The following LRP1 variants were observed in gnomAD, a reference collection of about 807,000 sequenced individuals.
LRP1 encodes the protein LDL receptor related protein 1.
Under a neutral mutation model 541.5 loss-of-function variants are expected in LRP1, and 51 were observed. The ratio of observed to expected loss-of-function variants is 0.09; its 90% CI spans 0.08 to 0.12. The LOEUF (loss-of-function observed/expected upper bound fraction) is 0.12. Among genes scored for constraint, LRP1 ranks in the 10% least tolerant of loss-of-function variants. The pLI, the probability that LRP1 is intolerant of heterozygous loss-of-function variation, is 1.00. For missense variants in LRP1, 3,878 were observed against 6,376.2 expected (o/e 0.61, Z 13.34); for synonymous variants, 2,219 against 2,470.8 (o/e 0.90, Z 3.02).
chr12:57,186,488 C>T lies in LRP1; in HGVS notation c.6841+580C>T, dbSNP rs552182399. On this transcript the variant is annotated intron_variant, in intron 41 of 88. Transcript: ENST00000243077. ...CCGGGTCCCTTGACTCATTCATTTGCTCATATATTCATTCAGCTGGTCCAT... is the reference window on the plus strand; with the variant it reads ...CCGGGTCCCTTGACTCATTCATTTGTTCATATATTCATTCAGCTGGTCCAT... 7.4e-4 allele frequency among the ~76,000 whole-genome samples: 112 copies of T among 152,322 alleles called. 1 individual carries two copies. The highest frequency in any genetic ancestry group is 2.5e-3 in the African/African-American group (103 of 41,570).
At position 57,177,605 on chromosome 12, in the gene LRP1, G is replaced by C. The variant is rs778601935; in HGVS notation, c.4361+14G>C. ...GATTGACGCCAGGTCAGCACCCTCT[G>C]TGCCCTGAGAAGGCCCAAGTCTGTG... is the stretch of plus-strand genomic sequence containing the variant. On this transcript the variant is annotated intron_variant, in intron 26 of 88. Coordinates refer to ENST00000243077, the MANE Select transcript of LRP1 (RefSeq NM_002332.3). This position sits in a 1 kb window ranked among gnomAD's most constrained non-coding sequence, Gnocchi z 6.8. 3 of 1,613,190 alleles carry C rather than the reference G, an allele frequency of 1.9e-6. No individual in the cohort carries two copies. Among genetic ancestry groups the C allele is most frequent in the Non-Finnish European group, 2.5e-6 (3 of 1,179,690 alleles).
At position 57,183,851 on chromosome 12, in the gene LRP1, A is replaced by G; in HGVS notation, c.5871A>G (p.Glu1957=). The change falls in exon 36 of 89, where the codon GAA becomes GAG. Residue 1957 remains glutamate, a synonymous_variant. Coordinates refer to ENST00000243077, the MANE Select transcript of LRP1 (RefSeq NM_002332.3). This position sits in a 1 kb window ranked among gnomAD's most constrained non-coding sequence, Gnocchi z 6.1. ...CCAAGCGGGACCAGACGTGGCGTGA[A>G]GACGTGGTGACCAATGGCATTGGCC... ...SRAKRDQTWR[E]DVVTNGIGRV... 6.2e-7 allele frequency: 1 copy of G among 1,614,188 alleles called. No homozygotes were observed. The highest frequency in any genetic ancestry group is 8.5e-7 in the Non-Finnish European group (1 of 1,180,044).
chr12:57,169,104 C>A, intron 19 of LRP1, 36 bp from the exon 20 acceptor site: 1 of 1,575,950 alleles, frequency 6.3e-7, no homozygotes, highest in Non-Finnish European at 8.7e-7. Context: ...TCCACCAACT[C>A]CCGCTTTGCC....
rs1391258680 is a variant in LRP1 at position 57,206,959 on chromosome 12, T to C, written c.11859+218T>C. 6.6e-6 allele frequency among the ~76,000 whole-genome samples: 1 copy of C among 152,120 alleles called. No individual in the cohort carries two copies. The highest frequency in any genetic ancestry group is 2.4e-5 in the African/African-American group (1 of 41,420). On this transcript the variant is annotated intron_variant, in intron 76 of 88. Coordinates refer to ENST00000243077, the MANE Select transcript of LRP1 (RefSeq NM_002332.3). The surrounding 1 kb of genome is among the most constrained non-coding windows in gnomAD (Gnocchi z 4.7). ...TGTCTCTACTAAAAATACAAAAATT[T>C]GGCTGAGCGCGGTGGCTCATGCCTG...
Position 57,198,240 on chromosome 12 carries a change from C to A in LRP1, c.9367C>A (p.Arg3123=), listed in dbSNP as rs772910246. The A allele has an allele frequency of 1.2e-6, 2 of 1,613,494 alleles. No homozygotes were observed. The highest frequency in any genetic ancestry group is 1.7e-6 in the Non-Finnish European group (2 of 1,179,872). Reference sequence around the variant, plus strand: ...CAACCTGTACTGGTGCGACAAAGGCCGGGACACCATCGAGGTGTCCAAGCT... The same window carrying A: ...CAACCTGTACTGGTGCGACAAAGGCAGGGACACCATCGAGGTGTCCAAGCT... The part of the protein sequence containing the change: ...GGNLYWCDKG[R]DTIEVSKLNG... The change falls in exon 59 of 89, where the codon CGG becomes AGG. Residue 3123 remains arginine, a synonymous_variant. Transcript: ENST00000243077.
chr12:57,178,607 A>C lies in LRP1; in HGVS notation c.4606+4A>C. The C allele has an allele frequency of 6.2e-7, 1 of 1,613,932 alleles. No homozygotes were observed. Among genetic ancestry groups the C allele is most frequent in the Non-Finnish European group, 8.5e-7 (1 of 1,179,920 alleles). On this transcript the variant is annotated splice_donor_region_variant and intron_variant, in intron 27 of 88. Transcript: ENST00000243077. The surrounding 1 kb of genome is among the most constrained non-coding windows in gnomAD (Gnocchi z 5.8). ...CACCCCTCCCGCCAGCCCATGGGTA[A>C]GGGGCTCGGGGCCTCGAGCAGCCGG...
rs200145430 is a variant in LRP1 at position 57,192,982 on chromosome 12, G to T, written c.7555+12G>T. 1.9e-6 allele frequency: 3 copies of T among 1,604,668 alleles called. No individual in the cohort carries two copies. The highest frequency in any genetic ancestry group is 1.4e-5 in the African/African-American group (1 of 72,110). ...CCTCACCTGCCGAGGTGAGAGAGGC[G>T]GGGGGGAGGGGCTGGCGGGGAACCC... On this transcript the variant is annotated intron_variant, in intron 45 of 88. Transcript: ENST00000243077.
intron 20 of LRP1, 108 bp downstream of exon 20, chr12:57,169,415 G>A (rs2035902205): frequency 1.3e-5 from 14 of 1,097,264 alleles, no homozygotes; most frequent in Non-Finnish European, 1.7e-5. Flanking sequence ...CACCATCTGG[G>A]AGCCAGAGGT....
At chr12:57,192,009 C>T (rs2036418519) in intron 44 of LRP1, among the ~76,000 whole-genome samples, 1 of 19,874 alleles carries the variant, frequency 5.0e-5, no homozygotes, top group Non-Finnish European at 1.2e-4. Context: ...CACACATACA[C>T]ATGCCACACA....
chr12:57,205,879 G>A lies in LRP1; in HGVS notation c.11590+202G>A. The A allele has an allele frequency of 1.4e-6, 1 of 713,952 alleles. No individual in the cohort carries two copies. The allele number at this position is 713,952 out of a possible 1,614,324, so 44.2% of individuals were successfully genotyped here. ...GGGGCTGGCTGACTGAAGGAGTCTG[G>A]GGTGTGGCAGTGCTCTGAATTGCAC... is the stretch of plus-strand genomic sequence containing the variant. On this transcript the variant is annotated intron_variant, in intron 75 of 88. Transcript: ENST00000243077. This position sits in a 1 kb window ranked among gnomAD's most constrained non-coding sequence, Gnocchi z 4.6.
At position 57,184,313 on chromosome 12, in the gene LRP1, C is replaced by A; in HGVS notation, c.6060-13C>A. 6.2e-7 allele frequency: 1 copy of A among 1,614,230 alleles called. No homozygotes were observed. The highest frequency in any genetic ancestry group is 8.5e-7 in the Non-Finnish European group (1 of 1,180,040). The stretch of plus-strand genomic sequence containing the variant: ...TCTGAGGACTGACCCCCACTTCCAC[C>A]CCCACCCTACAGGTACTTGTTCTGG... On this transcript the variant is annotated splice_polypyrimidine_tract_variant and intron_variant, in intron 37 of 88. Coordinates refer to ENST00000243077, the MANE Select transcript of LRP1 (RefSeq NM_002332.3). This position sits in a 1 kb window ranked among gnomAD's most constrained non-coding sequence, Gnocchi z 7.8.
rs1294366292 is a variant in LRP1, at chr12:57,198,282, A to T, written c.9409A>T (p.Thr3137Ser). The T allele has an allele frequency of 6.2e-7, 1 of 1,613,938 alleles. No homozygotes were observed. Among genetic ancestry groups the T allele is most frequent in the African/African-American group, 1.3e-5 (1 of 75,036 alleles). Residue 3137 changes from threonine (T) to serine (S), a missense_variant, in exon 59 of 89, where the codon ACG becomes TCG. Physicochemically the swap from Thr to Ser is moderately conservative, Grantham distance 58. Coordinates refer to ENST00000243077, the MANE Select transcript of LRP1 (RefSeq NM_002332.3). ...GTCCAAGCTCAATGGGGCCTATCGG[A>T]CGGTGCTGGTCAGCTCTGGCCTCCG... is the stretch of plus-strand genomic sequence containing the variant. ...EVSKLNGAYR[T>S]VLVSSGLREP...
intron 10 of LRP1, among the ~76,000 whole-genome samples, chr12:57,157,951 T>C (rs1340751293): frequency 5.3e-5 from 8 of 152,204 alleles, no homozygotes; most frequent in Admixed American, 3.9e-4. Flanking sequence ...TTCACATTTG[T>C]ATAAAAGTCA....
Position 57,177,684 on chromosome 12 carries a change from C to T in LRP1, c.4361+93C>T. 9 of 1,413,618 alleles carry T rather than the reference C, an allele frequency of 6.4e-6. No individual in the cohort carries two copies. Among genetic ancestry groups the T allele is most frequent in the Non-Finnish European group, 8.8e-6 (9 of 1,027,934 alleles). The allele number at this position is 1,413,618 out of a possible 1,614,324, so 87.6% of individuals were successfully genotyped here. ...TGGTGATGAGGGTGATGAGAAGGACCAAGGGATCTAGAACTAGGAACGGTG... is the reference window on the plus strand; with the variant it reads ...TGGTGATGAGGGTGATGAGAAGGACTAAGGGATCTAGAACTAGGAACGGTG... On this transcript the variant is annotated intron_variant, in intron 26 of 88. Coordinates refer to ENST00000243077, the MANE Select transcript of LRP1 (RefSeq NM_002332.3). This position sits in a 1 kb window ranked among gnomAD's most constrained non-coding sequence, Gnocchi z 6.8.
chr12:57,156,862 G>T lies in LRP1; in HGVS notation c.1503G>T (p.Ala501=), dbSNP rs536146139. Residue 501 remains alanine (A), a synonymous_variant, in exon 10 of 89, where the codon GCG becomes GCT. Transcript: ENST00000243077. The surrounding 1 kb of genome is among the most constrained non-coding windows in gnomAD (Gnocchi z 5.2). ...GCCTGCTGGCCAACAGCCACAAGGC[G>T]CGGACCTGCCGCTGCCGTTCCGGCT... The part of the protein sequence containing the change: ...DICLLANSHK[A]RTCRCRSGFS... The T allele has an allele frequency of 1.9e-6, 3 of 1,598,482 alleles. No homozygotes were observed. The highest frequency in any genetic ancestry group is 2.6e-6 in the Non-Finnish European group (3 of 1,175,164).
intron 34 of LRP1, among the ~76,000 whole-genome samples, chr12:57,182,897 G>A (rs2036194094): frequency 6.6e-6 from 1 of 152,220 alleles, no homozygotes; most frequent in Admixed American, 6.5e-5. Context: ...GCTTCGGAGT[G>A]ACCTTAGGGG....
intron 6 of LRP1, among the ~76,000 whole-genome samples, chr12:57,152,877 C>A (rs375380464): frequency 1.3e-5 from 2 of 152,192 alleles, no homozygotes; most frequent in Non-Finnish European, 2.9e-5. Flanking sequence ...TCCTTGAGAG[C>A]GGCGTTCCTG....
At chr12:57,200,838 T>TTCCCCCC in intron 64 of LRP1, 23 bp downstream of exon 64, 2 of 630,300 alleles carry the variant, frequency 3.2e-6, no homozygotes, top group South Asian at 2.1e-5. Context: ...CCGCCCACCC[T>TTCCCCCC]CCCTCCTTCC....
In LRP1 at chr12:57,193,995, C is replaced by T. The variant is rs2036472084; in HGVS notation, c.7901C>T (p.Ser2634Leu). Residue 2634 changes from serine to leucine, a missense_variant, in exon 48 of 89, where the codon TCA (serine) becomes TTA (leucine). This residue lies in a region of LRP1 where 1,100 missense variants were observed against 1,827.4 expected (regional missense o/e 0.60). Coordinates refer to ENST00000243077, the MANE Select transcript of LRP1 (RefSeq NM_002332.3). ...CNQFVDCEDA[S>L]DEMNCSATDC... ...CAGTTTGTGGATTGTGAGGACGCCT[C>T]AGATGAGATGAACTGCAGTGAGTGA... 2 of 1,614,172 alleles carry T rather than the reference C, an allele frequency of 1.2e-6. No individual in the cohort carries two copies. The highest frequency in any genetic ancestry group is 1.3e-5 in the African/African-American group (1 of 75,058).
Sources: allele counts gnomAD v4.1 joint callset (sites outside exome capture counted in the v4.1 genomes callset), GRCh38; gene constraint gnomAD v4.1.1; regional missense constraint gnomAD v4.1.1; non-coding constraint Gnocchi (gnomAD v3.1); transcripts MANE v1.5; gene names NCBI Gene and HGNC (gene_info 2026-07-23, HGNC 2026-07-21).